The following ZNF438 variants were observed in gnomAD, a reference collection of about 807,000 sequenced individuals.
ZNF438 encodes zinc finger protein 438.
ZNF438 carries 25 observed loss-of-function variants against 38.0 expected under a neutral mutation model. The ratio of observed to expected loss-of-function variants is 0.66; its 90% confidence interval spans 0.48 to 0.92. The LOEUF (loss-of-function observed/expected upper bound fraction) is 0.92. Among genes scored for constraint, ZNF438 ranks in the 40% least tolerant of loss-of-function variants. ZNF438 has a pLI of 0.00. For missense variants in ZNF438, 1,007 were observed against 999.6 expected (o/e 1.01, Z -0.10); for synonymous variants, 372 against 364.1 (o/e 1.02, Z -0.25).
At chr10:30,929,313 A>G (rs1033897449) in intron 2 of ZNF438, among the ~76,000 whole-genome samples, 1 of 152,126 alleles carries the variant, frequency 6.6e-6, no homozygotes, top group Non-Finnish European at 1.5e-5. Flanking sequence ...TCTGATGTTC[A>G]GATGTGTTCG....
intron 1 of ZNF438, among the ~76,000 whole-genome samples, chr10:30,975,493 A>G (rs2051241676): frequency 6.6e-6 from 1 of 152,212 alleles, no homozygotes; most frequent in Non-Finnish European, 1.5e-5. Flanking sequence ...AAGCTACTAA[A>G]TAACTGGTAA....
At chr10:31,012,358 T>C (rs2642193) in intron 1 of ZNF438, among the ~76,000 whole-genome samples, 79,446 of 151,534 alleles carry the variant, frequency 0.52, 22,355 homozygotes, top group Non-Finnish European at 0.63. Context: ...CTCCTGACCT[T>C]GTGATCCGCC....
At chr10:30,992,082 G>A (rs2053560831) in intron 1 of ZNF438, among the ~76,000 whole-genome samples, 1 of 152,172 alleles carries the variant, frequency 6.6e-6, no homozygotes. Context: ...GGCTGAACAT[G>A]GGGCAAAACA....
chr10:30,876,346 T>C (rs1302941283), intron 4 of ZNF438, among the ~76,000 whole-genome samples: 1 of 152,148 alleles, frequency 6.6e-6, no homozygotes, highest in Non-Finnish European at 1.5e-5. Context: ...GAAAGACTGG[T>C]ATTTCTCCCC....
At chr10:31,012,004 G>A (rs2055748634) in intron 1 of ZNF438, among the ~76,000 whole-genome samples, 1 of 152,076 alleles carries the variant, frequency 6.6e-6, no homozygotes, top group Non-Finnish European at 1.5e-5. Context: ...ACAAACATGT[G>A]CTGTTTCCTT....
chr10:30,860,967 C>T lies in ZNF438; in HGVS notation c.38-10600G>A, dbSNP rs1310620337. Reference sequence around the variant, plus strand: ...TGCCTTGCAGACTTTAGTATTTTGCCGAATAAATTATTATAAGTTTTAAGA... The same window carrying T: ...TGCCTTGCAGACTTTAGTATTTTGCTGAATAAATTATTATAAGTTTTAAGA... On this transcript the variant is annotated intron_variant, in intron 4 of 5. Coordinates refer to ENST00000413025, the Ensembl canonical transcript of ZNF438. Among the ~76,000 whole-genome samples the T allele has an allele frequency of 2.6e-5, 4 of 151,932 alleles. No homozygotes were observed. The East Asian group carries it at 5.8e-4, about 22-fold the overall frequency.
chr10:30,884,931 T>C (rs182017325), intron 3 of ZNF438, among the ~76,000 whole-genome samples: 1 of 152,352 alleles, frequency 6.6e-6, no homozygotes, highest in East Asian at 1.9e-4. Flanking sequence ...ATTTGCTCCA[T>C]GCTCAACATG....
intron 2 of ZNF438, among the ~76,000 whole-genome samples, chr10:30,938,061 G>A (rs2046432174): frequency 6.6e-6 from 1 of 152,100 alleles, no homozygotes; most frequent in African/African-American, 2.4e-5. Flanking sequence ...CTAGTTCTGG[G>A]CTAAGATCTA....
intron 1 of ZNF438, among the ~76,000 whole-genome samples, chr10:30,988,947 T>C (rs1046302428): frequency 1.3e-5 from 2 of 152,110 alleles, no homozygotes; most frequent in Non-Finnish European, 2.9e-5. Flanking sequence ...TATAATTAGT[T>C]GACTTGAAAT....
intron 1 of ZNF438, among the ~76,000 whole-genome samples, chr10:31,009,184 G>A (rs2055423846): frequency 6.6e-6 from 1 of 152,130 alleles, no homozygotes; most frequent in East Asian, 1.9e-4. Flanking sequence ...TAATTTGCAA[G>A]TATTTTCTCT....
rs578223797 is a variant in ZNF438 at position 30,871,433 on chromosome 10, C to G, written c.37+5565G>C. Among the ~76,000 whole-genome samples the G allele has an allele frequency of 1.4e-4, 22 of 152,142 alleles. No individual in the cohort carries two copies. The South Asian group carries it at 4.6e-3, about 32-fold the overall frequency. On this transcript the variant is annotated intron_variant, in intron 4 of 5. Transcript: ENST00000413025. ...CATAATTTAATATGCATTTTGAGAGCCTACTACATGCCAGGACGCTTTAAA... is the reference window on the plus strand; with the variant it reads ...CATAATTTAATATGCATTTTGAGAGGCTACTACATGCCAGGACGCTTTAAA...
chr10:31,026,355 A>G (rs1201188894), intron 1 of ZNF438, among the ~76,000 whole-genome samples: 2 of 151,674 alleles, frequency 1.3e-5, no homozygotes, highest in Admixed American at 1.3e-4. Flanking sequence ...ACAAAGGGCT[A>G]ATATCCACAA....
rs1035904400 is a variant in ZNF438, at chr10:30,866,054, C to T, written c.37+10944G>A. 5.9e-5 allele frequency among the ~76,000 whole-genome samples: 9 copies of T among 152,290 alleles called. No individual in the cohort carries two copies. The East Asian group carries it at 1.7e-3, about 29-fold the overall frequency. On this transcript the variant is annotated intron_variant, in intron 4 of 5. Transcript: ENST00000413025. ...AGTAAGGTAGTGCCCACAAACTGTT[C>T]AAGCAGTCATATTCTTCACTGTGGT...
chr10:30,922,570 A>C (rs1017350290), intron 2 of ZNF438, among the ~76,000 whole-genome samples: 3 of 152,366 alleles, frequency 2.0e-5, no homozygotes, highest in Middle Eastern at 3.4e-3. Context: ...GCGGTGGCTC[A>C]CGCCTGTAAT....
At chr10:30,978,453 T>C (rs1310238153) in intron 1 of ZNF438, among the ~76,000 whole-genome samples, 1 of 152,222 alleles carries the variant, frequency 6.6e-6, no homozygotes, top group Non-Finnish European at 1.5e-5. Flanking sequence ...TTTTTAAGCA[T>C]TGTTACTGAG....
intron 1 of ZNF438, among the ~76,000 whole-genome samples, chr10:30,974,977 C>T (rs914030413): frequency 3.9e-5 from 6 of 152,144 alleles, no homozygotes; most frequent in African/African-American, 1.2e-4. Flanking sequence ...TCACCCTAAC[C>T]TGATAATCCT....
At chr10:30,998,107 G>A (rs927590701) in intron 1 of ZNF438, among the ~76,000 whole-genome samples, 5 of 152,292 alleles carry the variant, frequency 3.3e-5, no homozygotes, top group Non-Finnish European at 7.4e-5. Flanking sequence ...GACAGATGTG[G>A]ATGAAATTAA....
At chr10:30,983,609 A>T (rs2136501208) in intron 1 of ZNF438, among the ~76,000 whole-genome samples, 1 of 152,340 alleles carries the variant, frequency 6.6e-6, no homozygotes, top group East Asian at 1.9e-4. Context: ...AATCCAAAGC[A>T]TATCACCAAT....
chr10:30,957,845 T>C (rs1408969755), intron 1 of ZNF438, among the ~76,000 whole-genome samples: 1 of 117,230 alleles, frequency 8.5e-6, no homozygotes. Flanking sequence ...TGTTCTTTGA[T>C]GGACTAATTC....
Sources: gnomAD v4.1 joint callset for allele counts (sites outside exome capture counted in the v4.1 genomes callset) on GRCh38, gnomAD v4.1.1 for gene constraint, MANE v1.5 for transcripts, NCBI Gene and HGNC (gene_info 2026-07-23, HGNC 2026-07-21) for gene names.